The following PLEKHO1 variants were observed in gnomAD, a reference collection of about 807,000 sequenced individuals.
The protein encoded by PLEKHO1 is pleckstrin homology domain containing O1, also known as pleckstrin homology domain-containing family O member 1.
In PLEKHO1, 22 loss-of-function variants were observed where a neutral mutation model predicts 41.4. The observed-to-expected ratio is 0.53, with a 90% CI of 0.38 to 0.76. The LOEUF is 0.76. Ranked by LOEUF, PLEKHO1 falls within the 30% of genes least tolerant of loss-of-function variation. PLEKHO1 has a pLI of 0.00. For synonymous variants in PLEKHO1, 225 were observed against 210.8 expected, an observed-to-expected ratio of 1.07 and a Z score of -0.58; for missense variants, 488 against 518.3, an observed-to-expected ratio of 0.94 and a Z score of 0.57.
In PLEKHO1 at chr1:150,159,696, C is replaced by T. The variant is rs950047174; in HGVS notation, c.*173C>T. ...ATTGCCCCACCTACTTTCCATATGC[C>T]CCTCGTATGCCCCTCAGGTTTGAGG... On this transcript the variant is annotated 3_prime_UTR_variant, in exon 6 of 6. Coordinates refer to ENST00000369124, the MANE Select transcript of PLEKHO1 (RefSeq NM_016274.6). 7.4e-6 allele frequency: 4 copies of T among 542,366 alleles called. No homozygotes were observed. In the Admixed American group the frequency reaches 9.3e-5, roughly 13 times the overall value. 33.6% of individuals were successfully genotyped at this position (542,366 alleles called of 1,614,324 possible). A position where few individuals can be genotyped will look rare whatever the true frequency, so the allele number is the denominator to read the frequency against.
chr1:150,158,796 C>T (rs782454618), intron 5 of PLEKHO1, 23 bp from the exon 6 acceptor site: 13 of 1,530,916 alleles, frequency 8.5e-6, no homozygotes, highest in East Asian at 2.3e-5. Context: ...AGGTTCCCCA[C>T]TCATTCCCCC....
intron 1 of PLEKHO1, 60 bp downstream of exon 1, chr1:150,150,347 CCGT>C: frequency 2.4e-6 from 2 of 851,012 alleles, no homozygotes; most frequent in Non-Finnish European, 2.8e-6. Flanking sequence ...GACCCCCGCT[CCGT>C]CGGCGCCGCG....
At position 150,158,932 on chromosome 1, in the gene PLEKHO1, G is replaced by A. The variant is rs1660296314; in HGVS notation, c.639G>A (p.Lys213=). The A allele has an allele frequency of 6.2e-7, 1 of 1,614,182 alleles. No individual in the cohort carries two copies. The highest frequency in any genetic ancestry group is 2.2e-5 in the East Asian group (1 of 44,872). The change falls in exon 6 of 6, where the codon AAG becomes AAA. Residue 213 remains lysine, a synonymous_variant. Transcript: ENST00000369124. Reference sequence around the variant, plus strand: ...AGAGCTTTCGGGTTGACCTGGACAAGTCTGTGGCCCAGCTGGCAGGGAGCC... The same window carrying A: ...AGAGCTTTCGGGTTGACCTGGACAAATCTGTGGCCCAGCTGGCAGGGAGCC... ...CAESFRVDLD[K]SVAQLAGSRR...
In PLEKHO1 at chr1:150,151,031, G is replaced by C; in HGVS notation, c.150G>C (p.Gly50=). ...AAAACCGCTATGTGGTGCTGAAAGGGGACCAGCTCTACATCTCTGAGAAGG... is the reference window on the plus strand; with the variant it reads ...AAAACCGCTATGTGGTGCTGAAAGGCGACCAGCTCTACATCTCTGAGAAGG... The part of the protein sequence containing the change: ...IWKNRYVVLK[G]DQLYISEKEV... The change falls in exon 2 of 6, where the codon GGG becomes GGC. Residue 50 remains glycine (G), a synonymous_variant. Transcript: ENST00000369124. 2 of 1,614,102 alleles carry C rather than the reference G, an allele frequency of 1.2e-6. No homozygotes were observed. The highest frequency in any genetic ancestry group is 1.7e-6 in the Non-Finnish European group (2 of 1,179,974).
At chr1:150,158,183 G>A (rs374125342) in intron 5 of PLEKHO1, among the ~76,000 whole-genome samples, 1 of 152,340 alleles carries the variant, frequency 6.6e-6, no homozygotes, top group South Asian at 2.1e-4. Flanking sequence ...GAGGAGGACA[G>A]TCGTGCCATG....
Position 150,159,723 on chromosome 1 carries a change from A to G in PLEKHO1, c.*200A>G. The G allele has an allele frequency of 2.0e-6, 1 of 498,012 alleles. No individual in the cohort carries two copies. Among genetic ancestry groups the G allele is most frequent in the Non-Finnish European group, 3.6e-6 (1 of 277,870 alleles). The allele number at this position is 498,012 out of a possible 1,614,324, so 30.8% of individuals were successfully genotyped here. A position where few individuals can be genotyped will look rare whatever the true frequency, so the allele number is the denominator to read the frequency against. ...CTCGTATGCCCCTCAGGTTTGAGGA[A>G]GTGACCCCGCAGCAGTAGCAGGAAG... is the stretch of plus-strand genomic sequence containing the variant. On this transcript the variant is annotated 3_prime_UTR_variant, in exon 6 of 6. Transcript: ENST00000369124.
At chr1:150,153,057 G>A (rs12142278) in intron 2 of PLEKHO1, 122,439 of 152,228 alleles carry the variant, frequency 0.8, 49,957 homozygotes, top group African/African-American at 0.95. Context: ...TATTGATACT[G>A]TGCTTTTTTA....
At chr1:150,153,492 A>AC (rs1660040841) in intron 2 of PLEKHO1, 1 of 149,618 alleles carries the variant, frequency 6.7e-6, no homozygotes, top group Admixed American at 6.7e-5. Flanking sequence ...CCTGACCAAG[A>AC]TTTTTTTTTT....
At chr1:150,150,326 C>T (rs782379726) in intron 1 of PLEKHO1, 39 bp downstream of exon 1, 3 of 993,424 alleles carry the variant, frequency 3.0e-6, no homozygotes, top group Non-Finnish European at 3.7e-6. Context: ...CCGCCGCCTC[C>T]GCGCTCTGAC....
At chr1:150,151,200 A>T (rs1659913464) in intron 2 of PLEKHO1, 142 bp downstream of exon 2, 3 of 789,560 alleles carry the variant, frequency 3.8e-6, no homozygotes, top group Non-Finnish European at 6.2e-6. Context: ...TCTCATCTGC[A>T]GAGAAAGGCC....
chr1:150,159,847 C>T lies in PLEKHO1; in HGVS notation c.*324C>T, dbSNP rs1660364111. On this transcript the variant is annotated 3_prime_UTR_variant, in exon 6 of 6. Transcript: ENST00000369124. ...AGACGGCACAGGGAGTCCACTGCTGCTCCCAAGGATACAGTGGGCTTCTAA... is the reference window on the plus strand; with the variant it reads ...AGACGGCACAGGGAGTCCACTGCTGTTCCCAAGGATACAGTGGGCTTCTAA... 4.3e-6 allele frequency: 1 copy of T among 232,826 alleles called. No homozygotes were observed. The highest frequency in any genetic ancestry group is 5.0e-5 in the Admixed American group (1 of 20,072). The allele number at this position is 232,826 out of a possible 1,614,324, so 14.4% of individuals were successfully genotyped here.
chr1:150,156,163 A>T lies in PLEKHO1; in HGVS notation c.275A>T (p.His92Leu). The T allele has an allele frequency of 6.2e-7, 1 of 1,613,992 alleles. No homozygotes were observed. The highest frequency in any genetic ancestry group is 8.5e-7 in the Non-Finnish European group (1 of 1,179,870). The stretch of plus-strand genomic sequence containing the variant: ...TCCAAGAGCAGGAGCAAGAAAAATC[A>T]TAGCAAGTTTACTCTTGCCCACTCC... ...RKSKSRSKKNHSKFTLAHSKQ... is the reference protein window; with the variant it reads ...RKSKSRSKKNLSKFTLAHSKQ... The change falls in exon 3 of 6, where the codon CAT becomes CTT. Residue 92 changes from histidine (H) to leucine (L), a missense_variant. By Grantham distance (99) the His-to-Leu change is moderately conservative (BLOSUM62 -3). Around this residue, in one of 3 missense-constraint regions of PLEKHO1, gnomAD observed 59 missense variants for 111.5 expected, o/e 0.53. Transcript: ENST00000369124.
At chr1:150,151,277 G>A (rs1301608736) in intron 2 of PLEKHO1, among the ~76,000 whole-genome samples, 2 of 152,052 alleles carry the variant, frequency 1.3e-5, no homozygotes, top group African/African-American at 4.8e-5. Flanking sequence ...GTGTTTTTTT[G>A]TTTGCAAATA....
At chr1:150,151,161 C>T in intron 2 of PLEKHO1, 103 bp downstream of exon 2, 2 of 1,317,640 alleles carry the variant, frequency 1.5e-6, no homozygotes, top group Admixed American at 1.8e-5. Flanking sequence ...GTTCCAAAGG[C>T]AAGTTCAGTG....
At position 150,159,638 on chromosome 1, in the gene PLEKHO1, C is replaced by G. The variant is rs920661873; in HGVS notation, c.*115C>G. 1 of 720,466 alleles carries G rather than the reference C, an allele frequency of 1.4e-6. No individual in the cohort carries two copies. The highest frequency in any genetic ancestry group is 2.3e-6 in the Non-Finnish European group (1 of 439,550). The allele number at this position is 720,466 out of a possible 1,614,324, so 44.6% of individuals were successfully genotyped here. On this transcript the variant is annotated 3_prime_UTR_variant, in exon 6 of 6. Coordinates refer to ENST00000369124, the MANE Select transcript of PLEKHO1 (RefSeq NM_016274.6). ...AAAGAAAACAAAAATGAACTCATTG[C>G]TCTTGCTGATGCCTGACCCCACTAC... is the stretch of plus-strand genomic sequence containing the variant.
Position 150,158,867 on chromosome 1 carries a change from G to A in PLEKHO1, c.574G>A (p.Glu192Lys). 6.2e-7 allele frequency: 1 copy of A among 1,613,564 alleles called. No homozygotes were observed. The highest frequency in any genetic ancestry group is 8.5e-7 in the Non-Finnish European group (1 of 1,179,558). Residue 192 changes from glutamate to lysine, a missense_variant, in exon 6 of 6, where the codon GAG becomes AAG. Coordinates refer to ENST00000369124, the MANE Select transcript of PLEKHO1 (RefSeq NM_016274.6). The stretch of plus-strand genomic sequence containing the variant: ...GATGCTGACCTTGGACTTGATCCAA[G>A]AGGAAGACCCTTCCCCTGAGGAACC... ...DGMLTLDLIQ[E>K]EDPSPEEPTS... is the part of the protein sequence containing the mutation.
chr1:150,150,606 C>T (rs956590304), intron 1 of PLEKHO1: 11 of 282,902 alleles, frequency 3.9e-5, no homozygotes, highest in Non-Finnish European at 6.7e-5. Context: ...CGTTAGTCCC[C>T]GCGCGGCGAG....
In PLEKHO1 at chr1:150,149,970, G is replaced by A. The variant is rs1313728042; in HGVS notation, c.-288G>A. 2.0e-5 allele frequency: 3 copies of A among 151,844 alleles called. No homozygotes were observed. The highest frequency in any genetic ancestry group is 2.9e-5 in the Non-Finnish European group (2 of 68,544). The allele number at this position is 151,844 out of a possible 1,614,324, so 9.4% of individuals were successfully genotyped here. A position where few individuals can be genotyped will look rare whatever the true frequency, so the allele number is the denominator to read the frequency against. On this transcript the variant is annotated 5_prime_UTR_variant, in exon 1 of 6. Coordinates refer to ENST00000369124, the MANE Select transcript of PLEKHO1 (RefSeq NM_016274.6). The stretch of plus-strand genomic sequence containing the variant: ...GCTGGGCCGGGCGGGCGGGTGGCGG[G>A]GGTGCGCTCGGGGACCCGGGCCGCG...
At position 150,159,732 on chromosome 1, in the gene PLEKHO1, G is replaced by A. The variant is rs1189887297; in HGVS notation, c.*209G>A. The A allele has an allele frequency of 1.0e-5, 5 of 480,120 alleles. No homozygotes were observed. Among genetic ancestry groups the A allele is most frequent in the Admixed American group, 3.4e-5 (1 of 29,442 alleles). The allele number at this position is 480,120 out of a possible 1,614,324, so 29.7% of individuals were successfully genotyped here. ...CCCTCAGGTTTGAGGAAGTGACCCCGCAGCAGTAGCAGGAAGTTTTTACCC... is the reference window on the plus strand; with the variant it reads ...CCCTCAGGTTTGAGGAAGTGACCCCACAGCAGTAGCAGGAAGTTTTTACCC... On this transcript the variant is annotated 3_prime_UTR_variant, in exon 6 of 6. Transcript: ENST00000369124.
Sources: allele counts gnomAD v4.1 joint callset (sites outside exome capture counted in the v4.1 genomes callset), GRCh38; gene constraint gnomAD v4.1.1; regional missense constraint gnomAD v4.1.1; transcripts MANE v1.5; gene names NCBI Gene and HGNC (gene_info 2026-07-23, HGNC 2026-07-21).